Variants in TRIM71 observed in about 807,000 individuals in gnomAD.
TRIM71 encodes E3 ubiquitin-protein ligase TRIM71.
In TRIM71, 9 loss-of-function variants were observed where a neutral mutation model predicts 61.2. That is an observed-to-expected ratio of 0.15 (90% CI 0.09 to 0.26). The LOEUF is 0.26. TRIM71 is among the 10% of genes least tolerant of loss of function. The pLI is 1.00. For missense variants in TRIM71, 998 were observed against 1,238.7 expected, an observed-to-expected ratio of 0.81 and a Z score of 2.92; for synonymous variants, 645 against 553.2, an observed-to-expected ratio of 1.17 and a Z score of -2.33.
intron 1 of TRIM71, among the ~76,000 whole-genome samples, chr3:32,871,608 G>A (rs910732648): frequency 6.6e-6 from 1 of 152,184 alleles, no homozygotes; most frequent in African/African-American, 2.4e-5. Context: ...GATTGGCCAG[G>A]AATTTTTCCT....
At chr3:32,889,559 AATT>A (rs35065462) in intron 3 of TRIM71, among the ~76,000 whole-genome samples, 6,976 of 139,546 alleles carry the variant, frequency 0.05, 189 homozygotes, top group East Asian at 0.15. Flanking sequence ...GTTTTGTCCC[AATT>A]ATTATTATTA....
At chr3:32,878,727 G>C (rs1696876054) in intron 2 of TRIM71, among the ~76,000 whole-genome samples, 2 of 152,218 alleles carry the variant, frequency 1.3e-5, no homozygotes, top group African/African-American at 4.8e-5. Context: ...CACAGGCACG[G>C]TAGATTTAGC....
chr3:32,882,835 C>T (rs1696924420), intron 2 of TRIM71, among the ~76,000 whole-genome samples: 1 of 152,190 alleles, frequency 6.6e-6, no homozygotes, highest in Admixed American at 6.5e-5. Context: ...AGCCACCGTA[C>T]CCGGCCCCAA....
In TRIM71 at chr3:32,892,934, G is replaced by A. The variant is rs1318442036; in HGVS notation, c.*1123G>A. On this transcript the variant is annotated 3_prime_UTR_variant, in exon 4 of 4. Coordinates refer to ENST00000383763, the MANE Select transcript of TRIM71 (RefSeq NM_001039111.3). ...TATAGGAACTCCACAGAAAGGGCAGGGTCTGCCCTGACCCGCGAGTGCATG... is the reference window on the plus strand; with the variant it reads ...TATAGGAACTCCACAGAAAGGGCAGAGTCTGCCCTGACCCGCGAGTGCATG... The A allele has an allele frequency of 1.3e-5, 2 of 152,138 alleles. No individual in the cohort carries two copies. Among genetic ancestry groups the A allele is most frequent in the Non-Finnish European group, 2.9e-5 (2 of 68,024 alleles). 9.4% of individuals were successfully genotyped at this position (152,138 alleles called of 1,614,324 possible).
intron 1 of TRIM71, among the ~76,000 whole-genome samples, chr3:32,860,068 C>G (rs776481878): frequency 5.3e-5 from 8 of 151,108 alleles, no homozygotes; most frequent in Non-Finnish European, 1.2e-4. Context: ...CTCTTTCTCC[C>G]TCCCCTCTCC....
chr3:32,848,328 A>AC (rs1049803231), intron 1 of TRIM71, among the ~76,000 whole-genome samples: 18 of 152,272 alleles, frequency 1.2e-4, no homozygotes, highest in Admixed American at 9.2e-4. Flanking sequence ...TCTTAGTTCT[A>AC]CAGGTCAGAG....
intron 2 of TRIM71, among the ~76,000 whole-genome samples, chr3:32,883,784 C>T (rs1049706980): frequency 9.9e-5 from 15 of 152,184 alleles, no homozygotes; most frequent in African/African-American, 3.4e-4. Flanking sequence ...GCTAATTGTT[C>T]TGCTAAATCC....
Position 32,837,257 on chromosome 3 carries a change from A to G in TRIM71, c.852+18325A>G, listed in dbSNP as rs147520635. On this transcript the variant is annotated intron_variant, in intron 1 of 3. Transcript: ENST00000383763. ...GATATAAAGGTGTTTTGAAATATAT[A>G]TTGCATTTTGTACTGTCTGTAATAT... Among the ~76,000 whole-genome samples, 39 of 152,260 alleles carry G rather than the reference A, an allele frequency of 2.6e-4. No homozygotes were observed. In the East Asian group the frequency reaches 7.2e-3, roughly 28 times the overall value.
chr3:32,891,359 A>T lies in TRIM71; in HGVS notation c.2155A>T (p.Thr719Ser), dbSNP rs749775221. 1 of 1,614,050 alleles carries T rather than the reference A, an allele frequency of 6.2e-7. No homozygotes were observed. Among genetic ancestry groups the T allele is most frequent in the South Asian group, 1.1e-5 (1 of 91,076 alleles). Reference protein sequence around the residue: ...NSEGKILVSDTRNHRIQLFGP... With the variant: ...NSEGKILVSDSRNHRIQLFGP... ...TGAGGGCAAGATCCTGGTCTCAGACACGAGGAACCACCGGATCCAGCTGTT... is the reference window on the plus strand; with the variant it reads ...TGAGGGCAAGATCCTGGTCTCAGACTCGAGGAACCACCGGATCCAGCTGTT... The change falls in exon 4 of 4, where the codon ACG becomes TCG. Residue 719 changes from threonine to serine, a missense_variant. Coordinates refer to ENST00000383763, the MANE Select transcript of TRIM71 (RefSeq NM_001039111.3). The surrounding 1 kb of genome is among the most constrained non-coding windows in gnomAD (Gnocchi z 8.2).
chr3:32,818,980 G>A (rs1696097353), intron 1 of TRIM71, 48 bp downstream of exon 1: 5 of 1,586,508 alleles, frequency 3.2e-6, no homozygotes, highest in African/African-American at 2.7e-5. Flanking sequence ...AACTGCGTGT[G>A]TGCTCAACAG....
chr3:32,819,885 CT>C (rs1210810112), intron 1 of TRIM71, among the ~76,000 whole-genome samples: 1 of 152,232 alleles, frequency 6.6e-6, no homozygotes, highest in Admixed American at 6.5e-5. Flanking sequence ...AGTGCAAAGG[CT>C]TTTAGGGCTA....
intron 1 of TRIM71, among the ~76,000 whole-genome samples, chr3:32,832,614 G>A (rs1013834122): frequency 1.3e-4 from 20 of 152,174 alleles, no homozygotes; most frequent in African/African-American, 4.8e-4. Flanking sequence ...GAGCCTGGGA[G>A]GTGGAGGTTG....
Position 32,891,938 on chromosome 3 carries a change from T to G in TRIM71, c.*127T>G, listed in dbSNP as rs1190928441. The G allele has an allele frequency of 2.9e-6, 4 of 1,362,864 alleles. No homozygotes were observed. Among genetic ancestry groups the G allele is most frequent in the Middle Eastern group, 5.3e-4 (2 of 3,802 alleles). 84.4% of individuals were successfully genotyped at this position (1,362,864 alleles called of 1,614,324 possible). On this transcript the variant is annotated 3_prime_UTR_variant, in exon 4 of 4. Coordinates refer to ENST00000383763, the MANE Select transcript of TRIM71 (RefSeq NM_001039111.3). The surrounding 1 kb of genome is among the most constrained non-coding windows in gnomAD (Gnocchi z 8.2). ...GTCTCAGGGAAATTTCTTTTTTCTT[T>G]TTTTTTTTTAAAGAGAACAAGAAAA...
In TRIM71 at chr3:32,818,031, C is replaced by T. The variant is rs776083869; in HGVS notation, c.-50C>T. On this transcript the variant is annotated 5_prime_UTR_variant, in exon 1 of 4. Transcript: ENST00000383763. Reference sequence around the variant, plus strand: ...CCCACCTCGTCCGCTCTCTCCTCCTCCTCCTCCTCTTCCTCTCTGGTCTCC... The same window carrying T: ...CCCACCTCGTCCGCTCTCTCCTCCTTCTCCTCCTCTTCCTCTCTGGTCTCC... 8 of 1,570,894 alleles carry T rather than the reference C, an allele frequency of 5.1e-6. No individual in the cohort carries two copies. The South Asian group carries it at 7.8e-5, about 15-fold the overall frequency.
At position 32,879,430 on chromosome 3, in the gene TRIM71, A is replaced by G. The variant is rs572930814; in HGVS notation, c.1020+5445A>G. 2.1e-3 allele frequency among the ~76,000 whole-genome samples: 323 copies of G among 152,278 alleles called. 2 individuals are homozygous for G. Among genetic ancestry groups the G allele is most frequent in the African/African-American group, 7.5e-3 (311 of 41,558 alleles). On this transcript the variant is annotated intron_variant, in intron 2 of 3. Transcript: ENST00000383763. ...CTTGCTTTCTTTACTAAGCTTAATC[A>G]TTTTAGATTTGTAGGACCTTTTCTT...
intron 1 of TRIM71, among the ~76,000 whole-genome samples, chr3:32,867,602 A>G (rs1426594222): frequency 2.0e-5 from 3 of 152,114 alleles, no homozygotes; most frequent in African/African-American, 7.2e-5. Context: ...GTAGACCTAA[A>G]CCAGCATCCC....
intron 1 of TRIM71, among the ~76,000 whole-genome samples, chr3:32,862,877 G>C (rs531642918): frequency 3.3e-5 from 5 of 152,032 alleles, no homozygotes; most frequent in African/African-American, 1.2e-4. Flanking sequence ...CGGGACTCAG[G>C]GTTCTAATTT....
rs1697091323 is a variant in TRIM71, at chr3:32,897,470, C to T, written c.*5659C>T. ...TGGGTGGGGAAATGAAGATTTCCCC[C>T]CAAACCTTTAGGCAAAAGTGAGTTT... On this transcript the variant is annotated 3_prime_UTR_variant, in exon 4 of 4. Transcript: ENST00000383763. 6.6e-6 allele frequency: 1 copy of T among 152,050 alleles called. No individual in the cohort carries two copies. Among genetic ancestry groups the T allele is most frequent in the African/African-American group, 2.4e-5 (1 of 41,398 alleles). 9.4% of individuals were successfully genotyped at this position (152,050 alleles called of 1,614,324 possible). A position where few individuals can be genotyped will look rare whatever the true frequency, so the allele number is the denominator to read the frequency against.
At chr3:32,821,909 G>T (rs1387107079) in intron 1 of TRIM71, among the ~76,000 whole-genome samples, 1 of 152,118 alleles carries the variant, frequency 6.6e-6, no homozygotes, top group Non-Finnish European at 1.5e-5. Context: ...GCACCCGCTG[G>T]GGTATTCACG....
Sources: gnomAD v4.1 joint callset for allele counts (sites outside exome capture counted in the v4.1 genomes callset) on GRCh38, gnomAD v4.1.1 for gene constraint, Gnocchi (gnomAD v3.1) non-coding constraint, MANE v1.5 for transcripts, NCBI Gene and HGNC (gene_info 2026-07-23, HGNC 2026-07-21) for gene names.